The following MAP3K9 variants were observed in gnomAD, a reference collection of about 807,000 sequenced individuals.
MAP3K9 encodes mitogen-activated protein kinase kinase kinase 9.
Under a neutral mutation model 95.8 loss-of-function variants are expected in MAP3K9, and 46 were observed. That is an observed-to-expected ratio of 0.48 (90% CI 0.38 to 0.61). The LOEUF (loss-of-function observed/expected upper bound fraction) is 0.61, where lower values mean the gene tolerates loss of function less well. Ranked by LOEUF, MAP3K9 falls within the 20% of genes least tolerant of loss-of-function variation. MAP3K9 has a pLI of 0.00. For missense variants in MAP3K9, 1,296 were observed against 1,474.3 expected (o/e 0.88, Z 1.98); for synonymous variants, 533 against 593.8 (o/e 0.90, Z 1.49).
At chr14:70,795,442 G>A (rs931020813) in intron 2 of MAP3K9, among the ~76,000 whole-genome samples, 6 of 152,034 alleles carry the variant, frequency 3.9e-5, no homozygotes, top group African/African-American at 1.4e-4. Flanking sequence ...CCAAGTAGTT[G>A]GGTCCACAGG....
rs767186943 is a variant in MAP3K9 at position 70,750,015 on chromosome 14, T to C, written c.1068A>G (p.Ala356=). The C allele has an allele frequency of 1.9e-6, 3 of 1,614,224 alleles. No homozygotes were observed. Among genetic ancestry groups the C allele is most frequent in the South Asian group, 1.1e-5 (1 of 91,088 alleles). The change falls in exon 4 of 12, where the codon GCA becomes GCG. Residue 356 remains alanine (A), a synonymous_variant. Coordinates refer to ENST00000554752, the MANE Select transcript of MAP3K9 (RefSeq NM_001284230.2). Reference sequence around the variant, plus strand: ...TGTTCATGGCCACTCCATAAGCGACTGCTAAGCCATCAATGCCTCGAAAGG... The same window carrying C: ...TGTTCATGGCCACTCCATAAGCGACCGCTAAGCCATCAATGCCTCGAAAGG... The part of the protein sequence containing the change: ...EVPFRGIDGL[A]VAYGVAMNKL...
chr14:70,737,600 G>T (rs1472455503), intron 8 of MAP3K9, among the ~76,000 whole-genome samples: 2 of 152,192 alleles, frequency 1.3e-5, no homozygotes, highest in Non-Finnish European at 2.9e-5. Context: ...TATGGGGTGA[G>T]ATCTGAAAAT....
intron 5 of MAP3K9, among the ~76,000 whole-genome samples, chr14:70,744,636 C>T (rs74065421): frequency 0.042 from 6,456 of 152,280 alleles, 161 homozygotes; most frequent in Admixed American, 0.062. Context: ...AAAAAGAGAA[C>T]ATTTCCTGAG....
At chr14:70,731,316 G>T (rs1256134774) in intron 11 of MAP3K9, among the ~76,000 whole-genome samples, 1 of 152,042 alleles carries the variant, frequency 6.6e-6, no homozygotes, top group African/African-American at 2.4e-5. Flanking sequence ...AGGCATGATG[G>T]TCCATGCCTG....
intron 2 of MAP3K9, among the ~76,000 whole-genome samples, chr14:70,772,598 G>A (rs193103227): frequency 8.5e-5 from 13 of 152,050 alleles, no homozygotes; most frequent in Admixed American, 8.5e-4. Flanking sequence ...TCCAGGGCTG[G>A]CCATATTGGA....
chr14:70,771,276 C>T (rs1267495414), intron 2 of MAP3K9, among the ~76,000 whole-genome samples: 1 of 152,130 alleles, frequency 6.6e-6, no homozygotes, highest in Non-Finnish European at 1.5e-5. Flanking sequence ...AGAACTGTGC[C>T]TTCAGTTTTG....
chr14:70,758,269 A>T (rs750659011), intron 3 of MAP3K9, among the ~76,000 whole-genome samples: 1 of 152,220 alleles, frequency 6.6e-6, no homozygotes, highest in Non-Finnish European at 1.5e-5. Context: ...ATTGGCCAAT[A>T]ATTACATGAA....
chr14:70,729,123 C>T lies in MAP3K9; in HGVS notation c.*1257G>A, dbSNP rs1319191939. ...GCATGAGGGGCTACCTGTGCACAGG[C>T]CTTGGTCAGTTTTCAGTATGGGGGA... On this transcript the variant is annotated 3_prime_UTR_variant, in exon 12 of 12. Coordinates refer to ENST00000554752, the MANE Select transcript of MAP3K9 (RefSeq NM_001284230.2). The T allele has an allele frequency of 6.6e-6, 1 of 152,228 alleles. No homozygotes were observed. Among genetic ancestry groups the T allele is most frequent in the African/African-American group, 2.4e-5 (1 of 41,440 alleles). The allele number at this position is 152,228 out of a possible 1,614,324, so 9.4% of individuals were successfully genotyped here.
chr14:70,739,982 G>A (rs1446640845), intron 7 of MAP3K9, 60 bp downstream of exon 7: 1 of 1,614,214 alleles, frequency 6.2e-7, no homozygotes, highest in Non-Finnish European at 8.5e-7. Flanking sequence ...TGGCTGGACA[G>A]AGCAGGGGAC....
chr14:70,776,506 A>T (rs569792436), intron 2 of MAP3K9, among the ~76,000 whole-genome samples: 2 of 152,294 alleles, frequency 1.3e-5, no homozygotes, highest in Admixed American at 1.3e-4. Flanking sequence ...TACATGGTAT[A>T]TCCAGATAAA....
Position 70,809,388 on chromosome 14 carries a change from C to A in MAP3K9, c.-217G>T, listed in dbSNP as rs2055041783. The A allele has an allele frequency of 2.0e-6, 1 of 495,548 alleles. No homozygotes were observed. 30.7% of individuals were successfully genotyped at this position (495,548 alleles called of 1,614,324 possible). Reference sequence around the variant, plus strand: ...GCGAGCTCTTCGCGCAGCCTAGGGGCGCAGCGGGCCGAGTCCCCGCCTGCC... The same window carrying A: ...GCGAGCTCTTCGCGCAGCCTAGGGGAGCAGCGGGCCGAGTCCCCGCCTGCC... On this transcript the variant is annotated 5_prime_UTR_variant, in exon 1 of 12. Transcript: ENST00000554752.
Position 70,729,350 on chromosome 14 carries a change from T to C in MAP3K9, c.*1030A>G. 1 of 152,216 alleles carries C rather than the reference T, an allele frequency of 6.6e-6. No individual in the cohort carries two copies. Among genetic ancestry groups the C allele is most frequent in the Admixed American group, 6.5e-5 (1 of 15,280 alleles). The allele number at this position is 152,216 out of a possible 1,614,324, so 9.4% of individuals were successfully genotyped here. A position where few individuals can be genotyped will look rare whatever the true frequency, so the allele number is the denominator to read the frequency against. On this transcript the variant is annotated 3_prime_UTR_variant, in exon 12 of 12. Coordinates refer to ENST00000554752, the MANE Select transcript of MAP3K9 (RefSeq NM_001284230.2). Reference sequence around the variant, plus strand: ...CTGCTTCATAGCTGTTCTAGGGCATTGCGGTGATATCTACTAACCAAACAT... The same window carrying C: ...CTGCTTCATAGCTGTTCTAGGGCATCGCGGTGATATCTACTAACCAAACAT...
chr14:70,728,828 C>G lies in MAP3K9; in HGVS notation c.*1552G>C, dbSNP rs2053854955. ...CAAATGCAAGGAACCTGCTGAGTGA[C>G]CTCCAAGACAAAAGACAGTGGAGCA... is the stretch of plus-strand genomic sequence containing the variant. On this transcript the variant is annotated 3_prime_UTR_variant, in exon 12 of 12. Transcript: ENST00000554752. The G allele has an allele frequency of 6.6e-6, 1 of 152,168 alleles. No individual in the cohort carries two copies. Among genetic ancestry groups the G allele is most frequent in the South Asian group, 2.1e-4 (1 of 4,818 alleles). The allele number at this position is 152,168 out of a possible 1,614,324, so 9.4% of individuals were successfully genotyped here. A position where few individuals can be genotyped will look rare whatever the true frequency, so the allele number is the denominator to read the frequency against.
At chr14:70,806,857 C>T (rs1361269858) in intron 1 of MAP3K9, among the ~76,000 whole-genome samples, 1 of 152,208 alleles carries the variant, frequency 6.6e-6, no homozygotes, top group Non-Finnish European at 1.5e-5. Context: ...TTTAAAATGA[C>T]ACTGTTTTCT....
intron 11 of MAP3K9, among the ~76,000 whole-genome samples, chr14:70,731,152 A>T (rs1425148130): frequency 6.6e-6 from 1 of 151,900 alleles, no homozygotes; most frequent in Non-Finnish European, 1.5e-5. Context: ...TGTGTTTATA[A>T]ACAAGGTTTT....
intron 3 of MAP3K9, among the ~76,000 whole-genome samples, chr14:70,752,201 T>C (rs1402275079): frequency 6.6e-6 from 1 of 152,236 alleles, no homozygotes; most frequent in African/African-American, 2.4e-5. Context: ...TTGGATACTT[T>C]ACGATGCCTT....
intron 2 of MAP3K9, chr14:70,783,204 T>C (rs2054704105): frequency 1.1e-6 from 1 of 939,098 alleles, no homozygotes; most frequent in South Asian, 4.9e-5. Context: ...GAGTCAAGCA[T>C]ATAAAGCCAC....
chr14:70,798,720 C>T (rs904020976), intron 2 of MAP3K9, among the ~76,000 whole-genome samples: 11 of 151,854 alleles, frequency 7.2e-5, no homozygotes, highest in African/African-American at 1.4e-4. Context: ...CCTCGTGATC[C>T]GCCCGCCTCG....
Position 70,749,012 on chromosome 14 carries a change from GA to G in MAP3K9, c.1151-9del, listed in dbSNP as rs1408799300. The G allele has an allele frequency of 1.2e-6, 2 of 1,608,282 alleles. No individual in the cohort carries two copies. The highest frequency in any genetic ancestry group is 2.7e-5 in the African/African-American group (2 of 74,636). ...GATCAGGATTCCAGCAGTCTGAATA[GA>G]ACATGTGAATACTCAGAAAGCATGA... On this transcript the variant is annotated splice_polypyrimidine_tract_variant and intron_variant, in intron 4 of 11. Transcript: ENST00000554752.
Sources: gnomAD v4.1 joint callset for allele counts (sites outside exome capture counted in the v4.1 genomes callset) on GRCh38, gnomAD v4.1.1 for gene constraint, MANE v1.5 for transcripts, NCBI Gene and HGNC (gene_info 2026-07-23, HGNC 2026-07-21) for gene names.